Variants in GON4L observed in about 807,000 individuals in gnomAD.
GON4L encodes the protein gon-4 like.
Under a neutral mutation model 211.8 loss-of-function variants are expected in GON4L, and 87 were observed. The ratio of observed to expected loss-of-function variants is 0.41; its 90% confidence interval spans 0.35 to 0.49. GON4L has a LOEUF of 0.49. Among genes scored for constraint, GON4L ranks in the 20% least tolerant of loss-of-function variants. The probability of loss-of-function intolerance (pLI) is 0.15; values close to 1 mark genes in which losing one functional copy is unlikely to be tolerated. For synonymous variants in GON4L, 875 were observed against 962.6 expected (o/e 0.91, Z 1.68); for missense variants, 2,155 against 2,659.5 (o/e 0.81, Z 4.17).
intron 10 of GON4L, among the ~76,000 whole-genome samples, chr1:155,808,272 C>T (rs866244998): frequency 8.5e-5 from 13 of 152,100 alleles, no homozygotes; most frequent in Admixed American, 5.2e-4. Context: ...CTCCTGACCT[C>T]AGGTGATCCA....
chr1:155,764,740 A>G, intron 21 of GON4L: 2 of 1,139,898 alleles, frequency 1.8e-6, no homozygotes, highest in African/African-American at 3.1e-5. Context: ...AGCCCAGCCT[A>G]TTACTATTTT....
At position 155,853,457 on chromosome 1, in the gene GON4L, C is replaced by T; in HGVS notation, c.324G>A (p.Leu108=). The change falls in exon 2 of 32, where the codon TTG becomes TTA. Residue 108 remains leucine, a synonymous_variant. Coordinates refer to ENST00000368331, the MANE Select transcript of GON4L (RefSeq NM_001282860.2). ...GTATATTAAGGGGGTGAAAAGACTC[C>T]AAGGAAGGTAGGGTGATTCCCTGAG... is the stretch of plus-strand genomic sequence containing the variant. ...AISQGITLPS[L]ESFHPLNIHI... is the part of the protein sequence containing the mutation. 1 of 1,613,992 alleles carries T rather than the reference C, an allele frequency of 6.2e-7. No homozygotes were observed. Among genetic ancestry groups the T allele is most frequent in the Non-Finnish European group, 8.5e-7 (1 of 1,179,930 alleles).
chr1:155,773,092 C>T lies in GON4L; in HGVS notation c.2469G>A (p.Lys823=). Reference sequence around the variant, plus strand: ...TGTCCTCAGCCTTGGTGAAGACGATCTTATCCTGGGGATTCTTTGCCTTCA... The same window carrying T: ...TGTCCTCAGCCTTGGTGAAGACGATTTTATCCTGGGGATTCTTTGCCTTCA... ...CSLKAKNPQD[K]IVFTKAEDNL... Residue 823 remains lysine (K), a synonymous_variant, in exon 18 of 32, where the codon AAG becomes AAA. Coordinates refer to ENST00000368331, the MANE Select transcript of GON4L (RefSeq NM_001282860.2). 1 of 1,612,624 alleles carries T rather than the reference C, an allele frequency of 6.2e-7. No individual in the cohort carries two copies. The highest frequency in any genetic ancestry group is 1.1e-5 in the South Asian group (1 of 91,026).
rs772584445 is a variant in GON4L at position 155,826,985 on chromosome 1, T to C, written c.549A>G (p.Pro183=). 7 of 1,613,958 alleles carry C rather than the reference T, an allele frequency of 4.3e-6. No individual in the cohort carries two copies. Among genetic ancestry groups the C allele is most frequent in the Admixed American group, 1.7e-5 (1 of 60,000 alleles). ...MNSEGEIPSL[P]SGSQSAKPVS... is the part of the protein sequence containing the mutation. ...CTGGTTTTGCAGATTGGCTGCCTGATGGCAGGGAAGGTATCTCCCCTTCAG... is the reference window on the plus strand; with the variant it reads ...CTGGTTTTGCAGATTGGCTGCCTGACGGCAGGGAAGGTATCTCCCCTTCAG... Residue 183 remains proline, a synonymous_variant, in exon 3 of 32, where the codon CCA becomes CCG. Coordinates refer to ENST00000368331, the MANE Select transcript of GON4L (RefSeq NM_001282860.2).
intron 18 of GON4L, among the ~76,000 whole-genome samples, chr1:155,771,597 C>T (rs1663199973): frequency 6.6e-6 from 1 of 152,164 alleles, no homozygotes. Flanking sequence ...TTCATCCTCC[C>T]AAGTATCTGT....
chr1:155,825,565 C>T (rs1328205337), intron 3 of GON4L, among the ~76,000 whole-genome samples: 1 of 108,160 alleles, frequency 9.2e-6, no homozygotes, highest in Non-Finnish European at 2.0e-5. Context: ...GAGCAAGACT[C>T]TGTCTCAAAA....
chr1:155,820,027 C>A (rs1450739979), intron 6 of GON4L, among the ~76,000 whole-genome samples: 2 of 152,126 alleles, frequency 1.3e-5, no homozygotes, highest in Non-Finnish European at 2.9e-5. Flanking sequence ...GATTCTTGTG[C>A]CTCAGCCTCC....
chr1:155,753,458 T>A (rs760202321), intron 28 of GON4L, 44 bp from the exon 29 acceptor site: 1 of 1,454,444 alleles, frequency 6.9e-7, no homozygotes, highest in Non-Finnish European at 9.6e-7. Context: ...TGACTGCCTA[T>A]GTCTTTGGTT....
In GON4L at chr1:155,760,563, G is replaced by C; in HGVS notation, c.4990C>G (p.Gln1664Glu). The change falls in exon 24 of 32, where the codon CAG becomes GAG. Residue 1664 changes from glutamine (Q) to glutamate (E), a missense_variant. This residue lies in a region of GON4L where 455 missense variants were observed against 504.6 expected (regional missense o/e 0.90). Transcript: ENST00000368331. ...TAGAGATCTACAGCCGTCCGTCTCT[G>C]GGTACTTGACTCAAATTCATAGATG... ...QVIYEFESST[Q>E]RRTAVDLYKS... is the part of the protein sequence containing the mutation. 1 of 1,612,730 alleles carries C rather than the reference G, an allele frequency of 6.2e-7. No homozygotes were observed. The highest frequency in any genetic ancestry group is 8.5e-7 in the Non-Finnish European group (1 of 1,178,780).
At chr1:155,843,844 G>A (rs930662084) in intron 2 of GON4L, among the ~76,000 whole-genome samples, 1 of 152,112 alleles carries the variant, frequency 6.6e-6, no homozygotes. Context: ...AATAAAAAAT[G>A]GACGGCATAA....
rs77198070 is a variant in GON4L, at chr1:155,805,013, C to T, written c.1581G>A (p.Thr527=). ...DITPDMYDPN[T]ADDEDWKMWL... is the part of the protein sequence containing the mutation. ...ACATCTTCCAGTCCTCATCATCTGC[C>T]GTATTGGGGTCATACATATCTGGAG... is the stretch of plus-strand genomic sequence containing the variant. The change falls in exon 11 of 32, where the codon ACG becomes ACA. Residue 527 remains threonine, a synonymous_variant. Coordinates refer to ENST00000368331, the MANE Select transcript of GON4L (RefSeq NM_001282860.2). 1,102 of 1,613,678 alleles carry T rather than the reference C, an allele frequency of 6.8e-4. 23 individuals are homozygous for T. The East Asian group carries it at 0.021, about 31-fold the overall frequency.
rs1165911846 is a variant in GON4L, at chr1:155,764,800, GT to G, written c.4473+199del. ...GTGATTCAATTTAATGTGTAAACGAGTTTAATATAATAAGTAAAATTTCATC... is the reference window on the plus strand; with the variant it reads ...GTGATTCAATTTAATGTGTAAACGAGTTAATATAATAAGTAAAATTTCATC... On this transcript the variant is annotated intron_variant, in intron 21 of 31. Transcript: ENST00000368331. The G allele has an allele frequency of 2.6e-5, 36 of 1,369,988 alleles. No homozygotes were observed. In the Admixed American group the frequency reaches 2.6e-4, roughly 10 times the overall value. 84.9% of individuals were successfully genotyped at this position (1,369,988 alleles called of 1,614,324 possible).
At chr1:155,810,005 TA>T (rs1557886258) in intron 10 of GON4L, among the ~76,000 whole-genome samples, 2 of 137,896 alleles carry the variant, frequency 1.5e-5, no homozygotes, top group African/African-American at 2.7e-5. Context: ...TATATATATA[TA>T]TATTTTTGAA....
intron 11 of GON4L, among the ~76,000 whole-genome samples, chr1:155,802,319 G>GGA (rs1370435056): frequency 2.1e-5 from 3 of 144,788 alleles, no homozygotes; most frequent in Non-Finnish European, 3.1e-5. Context: ...CCTTGGGGGG[G>GGA]GGGAAGGCTT....
chr1:155,847,634 G>A lies in GON4L; in HGVS notation c.505+5642C>T, dbSNP rs545979025. 1.6e-4 allele frequency among the ~76,000 whole-genome samples: 24 copies of A among 152,164 alleles called. No homozygotes were observed. In the South Asian group the frequency reaches 4.8e-3, roughly 30 times the overall value. ...GGAGAATCGCTTGAACCCAGGAGGT[G>A]GTGGTTGCAGTGAACTGAGATGGCG... On this transcript the variant is annotated intron_variant, in intron 2 of 31. Transcript: ENST00000368331.
intron 19 of GON4L, among the ~76,000 whole-genome samples, chr1:155,768,067 C>T (rs941383362): frequency 2.0e-5 from 3 of 151,944 alleles, no homozygotes; most frequent in Admixed American, 1.3e-4. Context: ...CCAGCACTTT[C>T]GGAGGTGGGC....
At chr1:155,847,097 G>C (rs971860625) in intron 2 of GON4L, among the ~76,000 whole-genome samples, 3 of 152,110 alleles carry the variant, frequency 2.0e-5, no homozygotes, top group African/African-American at 4.8e-5. Context: ...TTGCTAAATG[G>C]AATACACAAA....
At chr1:155,755,701 C>T (rs940972748) in intron 27 of GON4L, among the ~76,000 whole-genome samples, 2 of 152,086 alleles carry the variant, frequency 1.3e-5, no homozygotes, top group Non-Finnish European at 2.9e-5. Flanking sequence ...TGGAGAGCTC[C>T]ATCATGAGAT....
At chr1:155,806,625 A>G (rs1667151441) in intron 10 of GON4L, among the ~76,000 whole-genome samples, 2 of 152,072 alleles carry the variant, frequency 1.3e-5, no homozygotes, top group African/African-American at 4.8e-5. Context: ...CTGAGTCAGG[A>G]GAATTGCTTG....
Sources: gnomAD v4.1 joint callset for allele counts (sites outside exome capture counted in the v4.1 genomes callset) on GRCh38, gnomAD v4.1.1 for gene constraint, gnomAD v4.1.1 regional missense constraint, MANE v1.5 for transcripts, NCBI Gene and HGNC (gene_info 2026-07-23, HGNC 2026-07-21) for gene names.